PSMD11: variants seen among roughly 807,000 people sequenced by gnomAD.
PSMD11 encodes the protein 26S proteasome non-ATPase regulatory subunit 11.
In PSMD11, 5 loss-of-function variants were observed where a neutral mutation model predicts 62.3. The observed-to-expected ratio is 0.08, with a 90% CI of 0.04 to 0.17. The LOEUF (loss-of-function observed/expected upper bound fraction) is 0.17. PSMD11 is among the 10% of genes least tolerant of loss of function. PSMD11 has a pLI of 1.00. For missense variants in PSMD11, 310 were observed against 512.9 expected (o/e 0.60, Z 3.82); for synonymous variants, 191 against 191.8 (o/e 1.00, Z 0.03).
intron 3 of PSMD11, among the ~76,000 whole-genome samples, chr17:32,462,887 C>A (rs1172813665): frequency 2.0e-5 from 3 of 152,146 alleles, no homozygotes; most frequent in Admixed American, 6.5e-5. Context: ...AGGATTTCTC[C>A]ATGTTGGTCA....
chr17:32,474,728 TCTG>T, intron 7 of PSMD11, 33 bp from the exon 8 acceptor site: 1 of 1,603,426 alleles, frequency 6.2e-7, no homozygotes, highest in Non-Finnish European at 8.5e-7. Flanking sequence ...AAGCATAACA[TCTG>T]CAGCAATTGA....
Position 32,480,826 on chromosome 17 carries a change from A to C in PSMD11, c.*74A>C. 1.8e-6 allele frequency: 1 copy of C among 558,738 alleles called. No homozygotes were observed. The highest frequency in any genetic ancestry group is 2.9e-6 in the Non-Finnish European group (1 of 344,140). The allele number at this position is 558,738 out of a possible 1,614,324, so 34.6% of individuals were successfully genotyped here. On this transcript the variant is annotated 3_prime_UTR_variant, in exon 14 of 14. Transcript: ENST00000261712. ...AAACCTTGGGGGAAAATGCTAGGAG[A>C]TTCTTTTTTCTTTTTGTTCTACTTT...
At chr17:32,474,867 G>T (rs1310763380) in intron 8 of PSMD11, 43 bp downstream of exon 8, 1 of 1,555,152 alleles carries the variant, frequency 6.4e-7, no homozygotes, top group South Asian at 1.1e-5. Context: ...TCTGAGACCA[G>T]CATGTTTTCA....
In PSMD11 at chr17:32,483,003, T is replaced by G. The variant is rs755284062; in HGVS notation, c.*2251T>G. On this transcript the variant is annotated 3_prime_UTR_variant, in exon 14 of 14. Coordinates refer to ENST00000261712, the MANE Select transcript of PSMD11 (RefSeq NM_002815.4). Reference sequence around the variant, plus strand: ...ATCTAGTTTTGGAGTAGAGGGGAGATGTTTTCTCAAACTTAGGGCAGTCCT... The same window carrying G: ...ATCTAGTTTTGGAGTAGAGGGGAGAGGTTTTCTCAAACTTAGGGCAGTCCT... 1 of 152,200 alleles carries G rather than the reference T, an allele frequency of 6.6e-6. No homozygotes were observed. Among genetic ancestry groups the G allele is most frequent in the Non-Finnish European group, 1.5e-5 (1 of 68,032 alleles). The allele number at this position is 152,200 out of a possible 1,614,324, so 9.4% of individuals were successfully genotyped here.
At chr17:32,451,732 C>CTGTTTTGTTT in intron 2 of PSMD11, among the ~76,000 whole-genome samples, 1 of 151,840 alleles carries the variant, frequency 6.6e-6, no homozygotes, top group Non-Finnish European at 1.5e-5. Flanking sequence ...TTAGTTCTCT[C>CTGTTTTGTTT]TGTTTTGTTT....
rs944894521 is a variant in PSMD11 at position 32,481,281 on chromosome 17, G to GCGA, written c.*530_*531insGAC. 1 of 155,264 alleles carries GCGA rather than the reference G, an allele frequency of 6.4e-6. No homozygotes were observed. The highest frequency in any genetic ancestry group is 2.4e-5 in the African/African-American group (1 of 41,460). 9.6% of individuals were successfully genotyped at this position (155,264 alleles called of 1,614,324 possible). On this transcript the variant is annotated 3_prime_UTR_variant, in exon 14 of 14. Coordinates refer to ENST00000261712, the MANE Select transcript of PSMD11 (RefSeq NM_002815.4). ...CTTTCCCCTACCATACGGCCTGTCTGCCCTTCCCTCCCCACATTGGCTCCA... is the reference window on the plus strand; with the variant it reads ...CTTTCCCCTACCATACGGCCTGTCTGCGACCCTTCCCTCCCCACATTGGCTCCA...
At chr17:32,467,823 TG>T (rs879380338) in intron 5 of PSMD11, among the ~76,000 whole-genome samples, 3 of 152,204 alleles carry the variant, frequency 2.0e-5, no homozygotes, top group Non-Finnish European at 2.9e-5. Context: ...TTTTTAAGTT[TG>T]TTTTAATGTC....
At chr17:32,460,569 C>T (rs953066382) in intron 3 of PSMD11, among the ~76,000 whole-genome samples, 1 of 151,914 alleles carries the variant, frequency 6.6e-6, no homozygotes. Context: ...GTTAGGAGAT[C>T]GAGACTATCC....
chr17:32,449,410 A>G (rs940673968), intron 2 of PSMD11, among the ~76,000 whole-genome samples: 1 of 152,200 alleles, frequency 6.6e-6, no homozygotes, highest in Non-Finnish European at 1.5e-5. Context: ...GTCTCAAAAA[A>G]AGATTTTTTT....
chr17:32,466,379 A>G (rs1907993788), intron 5 of PSMD11, among the ~76,000 whole-genome samples: 1 of 152,194 alleles, frequency 6.6e-6, no homozygotes. Flanking sequence ...GTATCTTTGT[A>G]GATTTGTCTG....
chr17:32,450,556 C>T (rs527355756), intron 2 of PSMD11, among the ~76,000 whole-genome samples: 35 of 151,622 alleles, frequency 2.3e-4, no homozygotes, highest in Admixed American at 4.6e-4. Flanking sequence ...TGTGAGCCAC[C>T]GCGCCCAGCC....
rs765324158 is a variant in PSMD11 at position 32,464,530 on chromosome 17, G to C, written c.400G>C (p.Val134Leu). The C allele has an allele frequency of 6.2e-7, 1 of 1,606,008 alleles. No homozygotes were observed. The highest frequency in any genetic ancestry group is 8.5e-7 in the Non-Finnish European group (1 of 1,174,996). ...FLRQALEARL[V>L]SLYFDTKRYQ... is the part of the protein sequence containing the mutation. Reference sequence around the variant, plus strand: ...CTTTTCTCTTTCCTAGGCAAGACTGGTGTCTTTGTACTTTGATACCAAGAG... The same window carrying C: ...CTTTTCTCTTTCCTAGGCAAGACTGCTGTCTTTGTACTTTGATACCAAGAG... Residue 134 changes from valine (V) to leucine (L), a missense_variant, in exon 5 of 14, where the codon GTG becomes CTG. By Grantham distance (32) the Val-to-Leu change is conservative. Transcript: ENST00000261712.
intron 3 of PSMD11, among the ~76,000 whole-genome samples, chr17:32,462,109 GA>G (rs1907862519): frequency 6.6e-6 from 1 of 152,164 alleles, no homozygotes; most frequent in African/African-American, 2.4e-5. Flanking sequence ...CTCTATTCTA[GA>G]CTAATGAATC....
chr17:32,459,111 A>ATAC (rs1555616110), intron 3 of PSMD11, among the ~76,000 whole-genome samples: 4 of 43,768 alleles, frequency 9.1e-5, no homozygotes, highest in African/African-American at 1.3e-4. Flanking sequence ...AAAAAAAAAA[A>ATAC]ATACATATAT....
intron 2 of PSMD11, chr17:32,447,330 A>G (rs1350032607): frequency 1.1e-5 from 3 of 261,304 alleles, no homozygotes; most frequent in Non-Finnish European, 2.2e-5. Flanking sequence ...ACATAGAGGC[A>G]GCAACAGTCT....
At chr17:32,455,328 G>A (rs1245914906) in intron 3 of PSMD11, among the ~76,000 whole-genome samples, 2 of 152,230 alleles carry the variant, frequency 1.3e-5, no homozygotes, top group Non-Finnish European at 2.9e-5. Flanking sequence ...TACTCATTGA[G>A]TGCCTGCTAC....
chr17:32,468,984 CTT>C lies in PSMD11; in HGVS notation c.449-12_449-11del, dbSNP rs764804426. ...AGCTGATGGCTATAAAGGAGAATGT[CTT>C]TTCCTTTTTCAGGTTCTCAGCTGCT... is the stretch of plus-strand genomic sequence containing the variant. On this transcript the variant is annotated splice_polypyrimidine_tract_variant and intron_variant, in intron 5 of 13. Coordinates refer to ENST00000261712, the MANE Select transcript of PSMD11 (RefSeq NM_002815.4). 44 of 1,609,050 alleles carry C rather than the reference CTT, an allele frequency of 2.7e-5. No homozygotes were observed. The Admixed American group carries it at 7.1e-4, about 26-fold the overall frequency.
Position 32,480,116 on chromosome 17 carries a change from G to A in PSMD11, c.1075-30G>A, listed in dbSNP as rs200886246. 41 of 1,605,808 alleles carry A rather than the reference G, an allele frequency of 2.6e-5. No individual in the cohort carries two copies. In the Admixed American group the frequency reaches 3.3e-4, roughly 13 times the overall value. ...GGGTGATCTCTGACTAGTGGATACT[G>A]GTCCCTTTAATCATGTGCTTTGATT... On this transcript the variant is annotated intron_variant, in intron 11 of 13. Transcript: ENST00000261712.
chr17:32,466,023 TCTCA>T (rs1368009953), intron 5 of PSMD11, among the ~76,000 whole-genome samples: 1 of 151,442 alleles, frequency 6.6e-6, no homozygotes, highest in East Asian at 2.0e-4. Flanking sequence ...TGAGATGGAG[TCTCA>T]CTCTGTCGTC....
Sources: allele counts gnomAD v4.1 joint callset (sites outside exome capture counted in the v4.1 genomes callset), GRCh38; gene constraint gnomAD v4.1.1; transcripts MANE v1.5; gene names NCBI Gene and HGNC (gene_info 2026-07-23, HGNC 2026-07-21).